SEMA3E: variants seen among roughly 807,000 people sequenced by gnomAD.
SEMA3E encodes the protein semaphorin 3E.
A neutral mutation model predicts 93.6 loss-of-function variants in SEMA3E; 49 were observed. The ratio of observed to expected loss-of-function variants is 0.52; its 90% CI spans 0.42 to 0.66. The LOEUF (loss-of-function observed/expected upper bound fraction) is 0.66. SEMA3E is among the 30% of genes least tolerant of loss of function. The pLI, the probability that SEMA3E is intolerant of heterozygous loss-of-function variation, is 0.00. For missense variants in SEMA3E, 906 were observed against 964.8 expected (o/e 0.94, Z 0.81); for synonymous variants, 363 against 330.7 (o/e 1.10, Z -1.06).
chr7:83,570,231 A>G (rs1420736957), intron 1 of SEMA3E, among the ~76,000 whole-genome samples: 1 of 152,202 alleles, frequency 6.6e-6, no homozygotes, highest in East Asian at 1.9e-4. Context: ...AGCGTTAAGA[A>G]GAAAGTTCAT....
intron 4 of SEMA3E, among the ~76,000 whole-genome samples, chr7:83,448,687 C>T (rs1213364273): frequency 1.3e-5 from 2 of 151,998 alleles, no homozygotes; most frequent in Non-Finnish European, 2.9e-5. Context: ...ATTTGAAAAC[C>T]GAATCTGATA....
At chr7:83,398,128 T>C (rs898693822) in intron 11 of SEMA3E, among the ~76,000 whole-genome samples, 1 of 152,142 alleles carries the variant, frequency 6.6e-6, no homozygotes, top group Non-Finnish European at 1.5e-5. Flanking sequence ...TCTGAAAATC[T>C]GTGGTTCAAT....
At chr7:83,369,021 T>A (rs151044244) in intron 16 of SEMA3E, among the ~76,000 whole-genome samples, 48 of 152,214 alleles carry the variant, frequency 3.2e-4, no homozygotes, top group Non-Finnish European at 5.7e-4. Flanking sequence ...AGGTGAGGAT[T>A]TTTTGCACAG....
intron 2 of SEMA3E, among the ~76,000 whole-genome samples, chr7:83,484,158 G>C (rs1046999155): frequency 5.3e-5 from 8 of 152,116 alleles, no homozygotes; most frequent in African/African-American, 1.9e-4. Flanking sequence ...TTCTCTATCA[G>C]ATATGGTGGT....
At chr7:83,394,800 A>C (rs1369565991) in intron 12 of SEMA3E, among the ~76,000 whole-genome samples, 1 of 152,198 alleles carries the variant, frequency 6.6e-6, no homozygotes, top group Non-Finnish European at 1.5e-5. Context: ...TGGAGTGATC[A>C]TGGTGAATCA....
intron 1 of SEMA3E, among the ~76,000 whole-genome samples, chr7:83,554,387 G>A (rs1037307482): frequency 2.6e-5 from 4 of 152,128 alleles, no homozygotes; most frequent in South Asian, 4.1e-4. Context: ...TTGAAATGAG[G>A]TAGCACTCGT....
intron 1 of SEMA3E, among the ~76,000 whole-genome samples, chr7:83,541,713 G>A (rs1461622688): frequency 6.6e-6 from 1 of 152,100 alleles, no homozygotes; most frequent in Non-Finnish European, 1.5e-5. Context: ...GAAAACAGCA[G>A]TCATGATGCT....
intron 1 of SEMA3E, among the ~76,000 whole-genome samples, chr7:83,567,856 C>A (rs575940394): frequency 6.6e-6 from 1 of 151,342 alleles, no homozygotes; most frequent in Non-Finnish European, 1.5e-5. Flanking sequence ...ACTAAAAAAG[C>A]AATATTAAAC....
At chr7:83,513,939 C>T (rs993417096) in intron 1 of SEMA3E, among the ~76,000 whole-genome samples, 23 of 152,080 alleles carry the variant, frequency 1.5e-4, no homozygotes, top group Non-Finnish European at 2.2e-4. Context: ...GCTGCATTCC[C>T]AGATGGTTAA....
intron 1 of SEMA3E, among the ~76,000 whole-genome samples, chr7:83,507,512 C>T (rs1474520706): frequency 6.7e-6 from 1 of 149,736 alleles, no homozygotes; most frequent in Non-Finnish European, 1.5e-5. Flanking sequence ...CAGAGAGACA[C>T]AAAGAGACAG....
intron 4 of SEMA3E, among the ~76,000 whole-genome samples, chr7:83,454,272 A>AAAAAAAATATATAT (rs1257792756): frequency 3.2e-4 from 35 of 110,092 alleles, no homozygotes; most frequent in African/African-American, 1.5e-3. Flanking sequence ...AAAAAAAAAA[A>AAAAAAAATATATAT]ATATATATAT....
At chr7:83,485,321 A>G (rs1359711107) in intron 2 of SEMA3E, among the ~76,000 whole-genome samples, 1 of 152,206 alleles carries the variant, frequency 6.6e-6, no homozygotes, top group African/African-American at 2.4e-5. Flanking sequence ...AAATTAATTC[A>G]TAATTAATTT....
rs182452861 is a variant in SEMA3E, at chr7:83,600,598, C to T, written c.115+47830G>A. On this transcript the variant is annotated intron_variant, in intron 1 of 16. Transcript: ENST00000643230. ...TCCTGACCTCGTGATCCGCCCTCCT[C>T]GGCCTCCCAAAGTGCTGGGATTACA... Among the ~76,000 whole-genome samples, 5 of 148,372 alleles carry T rather than the reference C, an allele frequency of 3.4e-5. No individual in the cohort carries two copies. In the East Asian group the frequency reaches 6.0e-4, roughly 18 times the overall value.
At chr7:83,418,332 A>T in intron 5 of SEMA3E, 58 bp downstream of exon 5, 1 of 1,192,362 alleles carries the variant, frequency 8.4e-7, no homozygotes, top group African/African-American at 1.5e-5. Flanking sequence ...CTGAAGTTGA[A>T]ATATATGTTT....
At position 83,456,235 on chromosome 7, in the gene SEMA3E, CTG is replaced by C. The variant is rs556452101; in HGVS notation, c.456+10245_456+10246del. On this transcript the variant is annotated intron_variant, in intron 4 of 16. Coordinates refer to ENST00000643230, the MANE Select transcript of SEMA3E (RefSeq NM_012431.3). Reference sequence around the variant, plus strand: ...AAATATGTGCTTTATACCTAAAACTCTGTTTCTTATTGTCTGAGCATCTACAT... The same window carrying C: ...AAATATGTGCTTTATACCTAAAACTCTTTCTTATTGTCTGAGCATCTACAT... Among the ~76,000 whole-genome samples the C allele has an allele frequency of 6.6e-5, 10 of 152,276 alleles. No individual in the cohort carries two copies. In the South Asian group the frequency reaches 1.9e-3, roughly 28 times the overall value.
rs879665646 is a variant in SEMA3E at position 83,366,268 on chromosome 7, A to G, written c.*1318T>C. The G allele has an allele frequency of 1.3e-5, 2 of 152,108 alleles. No individual in the cohort carries two copies. Among genetic ancestry groups the G allele is most frequent in the Non-Finnish European group, 2.9e-5 (2 of 67,944 alleles). 9.4% of individuals were successfully genotyped at this position (152,108 alleles called of 1,614,324 possible). On this transcript the variant is annotated 3_prime_UTR_variant, in exon 17 of 17. Transcript: ENST00000643230. ...TTTATTTAGGTGAAAACATCTTACA[A>G]AATTTCATATTTTAGAAAGGTAATT...
Position 83,490,325 on chromosome 7 carries a change from C to A in SEMA3E, c.116-51G>T, listed in dbSNP as rs10272904. ...TAAGCACACGAGAAAATGTAAATAC[C>A]TTTATCACCCTTTTCTCATAGCTCT... On this transcript the variant is annotated intron_variant, in intron 1 of 16. Coordinates refer to ENST00000643230, the MANE Select transcript of SEMA3E (RefSeq NM_012431.3). 1.1e-3 allele frequency: 1,670 copies of A among 1,562,314 alleles called. 16 individuals are homozygous for A. In the African/African-American group the frequency reaches 0.02, roughly 19 times the overall value.
chr7:83,515,658 A>G (rs1024176919), intron 1 of SEMA3E, among the ~76,000 whole-genome samples: 3 of 152,218 alleles, frequency 2.0e-5, no homozygotes, highest in Non-Finnish European at 2.9e-5. Flanking sequence ...TCACCTCAGC[A>G]ATGGGGAAGA....
intron 2 of SEMA3E, among the ~76,000 whole-genome samples, chr7:83,475,586 A>G (rs1009156294): frequency 6.6e-6 from 1 of 152,122 alleles, no homozygotes; most frequent in Non-Finnish European, 1.5e-5. Flanking sequence ...GCTGCCACGC[A>G]TCACCCCCTG....
Sources: gnomAD v4.1 joint callset for allele counts (sites outside exome capture counted in the v4.1 genomes callset) on GRCh38, gnomAD v4.1.1 for gene constraint, MANE v1.5 for transcripts, NCBI Gene and HGNC (gene_info 2026-07-23, HGNC 2026-07-21) for gene names.